Variants in MYLK observed in about 807,000 individuals in gnomAD.
The protein encoded by MYLK is myosin light chain kinase.
A neutral mutation model predicts 203.4 loss-of-function variants in MYLK; 106 were observed. The ratio of observed to expected loss-of-function variants is 0.52; its 90% CI spans 0.45 to 0.61. The LOEUF is 0.61. MYLK is among the 20% of genes least tolerant of loss of function. The pLI is 0.00. For missense variants in MYLK, 2,072 were observed against 2,442.3 expected (o/e 0.85, Z 3.20); for synonymous variants, 867 against 959.5 (o/e 0.90, Z 1.78).
At chr3:123,789,103 T>C (rs1157847058) in intron 4 of MYLK, among the ~76,000 whole-genome samples, 1 of 151,898 alleles carries the variant, frequency 6.6e-6, no homozygotes, top group Admixed American at 6.6e-5. Context: ...CAGCTAGGGG[T>C]GTTTCCACCA....
chr3:123,773,682 G>C (rs1032653852), intron 4 of MYLK, among the ~76,000 whole-genome samples: 2 of 152,184 alleles, frequency 1.3e-5, no homozygotes, highest in Non-Finnish European at 2.9e-5. Flanking sequence ...AGGAGGGTGA[G>C]GCTTCTGAAT....
intron 4 of MYLK, among the ~76,000 whole-genome samples, chr3:123,762,347 A>G (rs1215227845): frequency 6.6e-6 from 1 of 151,664 alleles, no homozygotes; most frequent in Non-Finnish European, 1.5e-5. Context: ...TCCCACCCAG[A>G]GCCTCCCAAG....
intron 23 of MYLK, among the ~76,000 whole-genome samples, chr3:123,658,514 C>G (rs1321323467): frequency 6.6e-6 from 1 of 152,140 alleles, no homozygotes; most frequent in African/African-American, 2.4e-5. Flanking sequence ...GTTCATTAAC[C>G]CTTCATCTCC....
intron 3 of MYLK, among the ~76,000 whole-genome samples, chr3:123,830,142 G>C (rs2066273347): frequency 6.6e-6 from 1 of 152,112 alleles, no homozygotes; most frequent in African/African-American, 2.4e-5. Flanking sequence ...AAAATAGAAG[G>C]GACTTGCATT....
rs41366751 is a variant in MYLK at position 123,649,037 on chromosome 3, C to T, written c.4349G>A (p.Arg1450Gln). The T allele has an allele frequency of 7.8e-4, 1,257 of 1,614,162 alleles. 4 individuals carry two copies. The African/African-American group carries it at 0.014, about 18-fold the overall frequency. The stretch of plus-strand genomic sequence containing the variant: ...TTGTTCAGTATTGATTGTCACTGTC[C>T]GGTAATCAACCTCGGGCTCCTTCTC... Reference protein sequence around the residue: ...DDEKEPEVDYRTVTINTEQKV... With the variant: ...DDEKEPEVDYQTVTINTEQKV... The change falls in exon 26 of 34, where the codon CGG (arginine) becomes CAG (glutamine). Residue 1450 changes from arginine (R) to glutamine (Q), a missense_variant. Physicochemically the swap from Arg to Gln is conservative, Grantham distance 43 (BLOSUM62 1). Around this residue, in one of 3 missense-constraint regions of MYLK, gnomAD observed 524 missense variants for 782.4 expected, o/e 0.67. Coordinates refer to ENST00000360304, the MANE Select transcript of MYLK (RefSeq NM_053025.4).
intron 20 of MYLK, among the ~76,000 whole-genome samples, chr3:123,673,161 CTTTTTTTTTTT>C (rs761090869): frequency 7.3e-6 from 1 of 136,962 alleles, no homozygotes; most frequent in African/African-American, 2.8e-5. Flanking sequence ...TTTTTCTTTT[CTTTTTTTTTTT>C]TTTTTTTTTG....
intron 19 of MYLK, chr3:123,689,682 G>A (rs2060588283): frequency 6.6e-6 from 1 of 152,234 alleles, no homozygotes; most frequent in South Asian, 2.1e-4. Flanking sequence ...CTCTGGCCAG[G>A]ACAGGCATTG....
intron 13 of MYLK, chr3:123,715,991 G>A (rs1344672628): frequency 6.6e-6 from 1 of 152,168 alleles, no homozygotes; most frequent in Non-Finnish European, 1.5e-5. Flanking sequence ...GTATTCCTTA[G>A]TTATTACAAT....
intron 3 of MYLK, among the ~76,000 whole-genome samples, chr3:123,827,554 A>C (rs1484503490): frequency 6.6e-6 from 1 of 151,426 alleles, no homozygotes; most frequent in African/African-American, 2.4e-5. Flanking sequence ...TATACCCAGC[A>C]AAGCTAACCT....
chr3:123,856,967 C>T (rs1418266787), intron 2 of MYLK, among the ~76,000 whole-genome samples: 1 of 151,896 alleles, frequency 6.6e-6, no homozygotes, highest in Admixed American at 6.6e-5. Flanking sequence ...ACAAACAACC[C>T]CATCAAAAAG....
chr3:123,610,390 T>C lies in MYLK; in HGVS notation c.*3715A>G, dbSNP rs1351691044. 1 of 152,178 alleles carries C rather than the reference T, an allele frequency of 6.6e-6. No homozygotes were observed. The highest frequency in any genetic ancestry group is 1.5e-5 in the Non-Finnish European group (1 of 68,024). The allele number at this position is 152,178 out of a possible 1,614,324, so 9.4% of individuals were successfully genotyped here. ...GGTGATTTATAAGAACAAATGTTTA[T>C]TTCTTGCTTGTGTTATGTCCCCATT... is the stretch of plus-strand genomic sequence containing the variant. On this transcript the variant is annotated 3_prime_UTR_variant, in exon 34 of 34. Coordinates refer to ENST00000360304, the MANE Select transcript of MYLK (RefSeq NM_053025.4).
chr3:123,688,902 G>A lies in MYLK; in HGVS notation c.3565+3833C>T, dbSNP rs531628412. On this transcript the variant is annotated intron_variant, in intron 19 of 33. Coordinates refer to ENST00000360304, the MANE Select transcript of MYLK (RefSeq NM_053025.4). ...ACCCTGCTTTGCTTTCTTCATAGCT[G>A]GTGACATTACCTGAGGATATGACAC... 2.6e-5 allele frequency among the ~76,000 whole-genome samples: 4 copies of A among 152,226 alleles called. No individual in the cohort carries two copies. The South Asian group carries it at 8.3e-4, about 32-fold the overall frequency.
At chr3:123,653,852 A>G (rs2059297964) in intron 24 of MYLK, among the ~76,000 whole-genome samples, 1 of 152,152 alleles carries the variant, frequency 6.6e-6, no homozygotes. Flanking sequence ...GCCAATGAAC[A>G]TCTTCACACT....
chr3:123,807,482 C>A (rs2065411743), intron 3 of MYLK, among the ~76,000 whole-genome samples: 1 of 152,080 alleles, frequency 6.6e-6, no homozygotes, highest in African/African-American at 2.4e-5. Context: ...ATACCTTACA[C>A]AACAGGAAAT....
chr3:123,830,780 C>T (rs554581513), intron 3 of MYLK, among the ~76,000 whole-genome samples: 4 of 152,248 alleles, frequency 2.6e-5, no homozygotes, highest in South Asian at 2.1e-4. Flanking sequence ...AGGGTAGCAG[C>T]GGGAAACCAC....
chr3:123,750,458 T>C (rs999170906), intron 5 of MYLK, among the ~76,000 whole-genome samples: 1 of 152,112 alleles, frequency 6.6e-6, no homozygotes, highest in Non-Finnish European at 1.5e-5. Flanking sequence ...ACAGTAGGGA[T>C]TGAAGAAAAC....
At chr3:123,789,149 A>C (rs1366204560) in intron 4 of MYLK, among the ~76,000 whole-genome samples, 1 of 152,068 alleles carries the variant, frequency 6.6e-6, no homozygotes, top group Non-Finnish European at 1.5e-5. Flanking sequence ...CTGTCTGTAC[A>C]TGGAAGCCCC....
intron 13 of MYLK, among the ~76,000 whole-genome samples, chr3:123,717,530 T>C (rs1445422098): frequency 2.0e-5 from 3 of 152,146 alleles, no homozygotes; most frequent in African/African-American, 4.8e-5. Context: ...CTATGTCAAA[T>C]GGGCACAACT....
At chr3:123,852,015 G>C (rs1175643428) in intron 2 of MYLK, among the ~76,000 whole-genome samples, 1 of 152,162 alleles carries the variant, frequency 6.6e-6, no homozygotes, top group East Asian at 1.9e-4. Flanking sequence ...TGTGGTTTTT[G>C]TCTTTGGTTC....
Sources: allele counts gnomAD v4.1 joint callset (sites outside exome capture counted in the v4.1 genomes callset), GRCh38; gene constraint gnomAD v4.1.1; regional missense constraint gnomAD v4.1.1; transcripts MANE v1.5; gene names NCBI Gene and HGNC (gene_info 2026-07-23, HGNC 2026-07-21).